KLF12: variants seen among roughly 807,000 people sequenced by gnomAD.
KLF12 encodes the protein KLF transcription factor 12, also known as Krueppel-like factor 12.
KLF12 carries 9 observed loss-of-function variants against 37.8 expected under a neutral mutation model. The observed-to-expected ratio is 0.24, with a 90% confidence interval of 0.14 to 0.42. KLF12 has a LOEUF of 0.42. KLF12 is among the 10% of genes least tolerant of loss of function. KLF12 has a pLI of 1.00. For missense variants in KLF12, 411 were observed against 516.0 expected, an observed-to-expected ratio of 0.80 and a Z score of 1.97; for synonymous variants, 208 against 202.1, an observed-to-expected ratio of 1.03 and a Z score of -0.25.
the KLF12 span, among the ~76,000 whole-genome samples, chr13:74,299,954 G>C: frequency 6.6e-6 from 1 of 152,082 alleles, no homozygotes. Flanking sequence ...AAGAAGTAGA[G>C]AAATGCTGAA....
chr13:74,305,042 A>G, the KLF12 span, among the ~76,000 whole-genome samples: 6 of 152,156 alleles, frequency 3.9e-5, no homozygotes, highest in African/African-American at 1.4e-4. Flanking sequence ...GTAGCTGGTA[A>G]TGCATAATTA....
rs139455612 is a variant in KLF12 at position 73,866,961 on chromosome 13, T to C, written c.124-20588A>G. ...TAGAAATTAAGTAAAAGGATTAAAC[T>C]ATGGTGAGCATGAAAATGCCACAGG... On this transcript the variant is annotated intron_variant, in intron 3 of 7. Transcript: ENST00000377669. 3.6e-3 allele frequency among the ~76,000 whole-genome samples: 551 copies of C among 152,098 alleles called. 6 individuals carry two copies. The highest frequency in any genetic ancestry group is 0.013 in the African/African-American group (535 of 41,482).
rs771712066 is a variant in KLF12, at chr13:73,813,310, A to G, written c.671-23T>C. 40 of 1,613,128 alleles carry G rather than the reference A, an allele frequency of 2.5e-5. No individual in the cohort carries two copies. The South Asian group carries it at 4.3e-4, about 17-fold the overall frequency. ...GTGCTGGAGAGAAAAGGCATATATAATGAATTAAAATCAGTGCGCAGAAAG... is the reference window on the plus strand; with the variant it reads ...GTGCTGGAGAGAAAAGGCATATATAGTGAATTAAAATCAGTGCGCAGAAAG... On this transcript the variant is annotated intron_variant, in intron 4 of 7. Coordinates refer to ENST00000377669, the MANE Select transcript of KLF12 (RefSeq NM_007249.5).
At chr13:73,915,199 TC>T (rs1438680284) in intron 3 of KLF12, among the ~76,000 whole-genome samples, 1 of 152,174 alleles carries the variant, frequency 6.6e-6, no homozygotes. Context: ...TTTTCCTGCT[TC>T]CCTCTTACAA....
chr13:73,819,433 C>T (rs1411465921), intron 4 of KLF12, among the ~76,000 whole-genome samples: 1 of 152,132 alleles, frequency 6.6e-6, no homozygotes, highest in South Asian at 2.1e-4. Flanking sequence ...TTTCTTTTCA[C>T]GTGTACCTAA....
intron 7 of KLF12, among the ~76,000 whole-genome samples, chr13:73,700,416 C>T (rs1874466226): frequency 6.6e-6 from 1 of 151,400 alleles, no homozygotes; most frequent in Admixed American, 6.6e-5. Context: ...GAAAGTATAT[C>T]AGAAAACAGT....
At chr13:73,964,810 C>T (rs1180311776) in intron 2 of KLF12, among the ~76,000 whole-genome samples, 3 of 151,926 alleles carry the variant, frequency 2.0e-5, no homozygotes, top group South Asian at 2.1e-4. Flanking sequence ...AGTGAGACCT[C>T]GTCTTTACTT....
chr13:74,034,963 C>T (rs1893210812), intron 1 of KLF12, among the ~76,000 whole-genome samples: 1 of 152,182 alleles, frequency 6.6e-6, no homozygotes, highest in African/African-American at 2.4e-5. Context: ...CATAGCTTAC[C>T]TCACATCTGT....
At chr13:73,767,673 G>C (rs1319650095) in intron 5 of KLF12, among the ~76,000 whole-genome samples, 1 of 152,140 alleles carries the variant, frequency 6.6e-6, no homozygotes, top group Non-Finnish European at 1.5e-5. Flanking sequence ...TACTCATCTG[G>C]AGCAGAGAGC....
chr13:73,896,476 T>C (rs1887776143), intron 3 of KLF12, among the ~76,000 whole-genome samples: 1 of 152,150 alleles, frequency 6.6e-6, no homozygotes, highest in Admixed American at 6.6e-5. Flanking sequence ...TCAGGGAGCC[T>C]CCAAGTCTCT....
chr13:73,892,037 T>C (rs1326224456), intron 3 of KLF12, among the ~76,000 whole-genome samples: 1 of 151,706 alleles, frequency 6.6e-6, no homozygotes, highest in Non-Finnish European at 1.5e-5. Flanking sequence ...TTTTTTTTTC[T>C]GTGTTACTAC....
At chr13:73,862,156 T>C (rs1464482025) in intron 3 of KLF12, among the ~76,000 whole-genome samples, 2 of 152,048 alleles carry the variant, frequency 1.3e-5, no homozygotes, top group Non-Finnish European at 2.9e-5. Flanking sequence ...AGCATCTGTC[T>C]TTCCAGTAAG....
chr13:73,742,618 T>C (rs1266565340), intron 6 of KLF12, among the ~76,000 whole-genome samples: 1 of 152,202 alleles, frequency 6.6e-6, no homozygotes, highest in African/African-American at 2.4e-5. Context: ...CCTTCTCACA[T>C]TTCAAATGTA....
At chr13:73,898,181 A>T (rs1887876195) in intron 3 of KLF12, among the ~76,000 whole-genome samples, 1 of 152,190 alleles carries the variant, frequency 6.6e-6, no homozygotes, top group Non-Finnish European at 1.5e-5. Context: ...TTCCTATGAC[A>T]GCATTTCTTT....
At chr13:74,300,800 C>G in the KLF12 span, among the ~76,000 whole-genome samples, 1 of 152,118 alleles carries the variant, frequency 6.6e-6, no homozygotes, top group Non-Finnish European at 1.5e-5. Context: ...AGAATTATCT[C>G]TGGAAGCTGA....
At chr13:74,250,567 C>T in the KLF12 span, among the ~76,000 whole-genome samples, 1 of 152,046 alleles carries the variant, frequency 6.6e-6, no homozygotes, top group Non-Finnish European at 1.5e-5. Flanking sequence ...GCAGAGAAGG[C>T]CAGAGCTAGG....
At chr13:73,866,224 C>T (rs1448065921) in intron 3 of KLF12, among the ~76,000 whole-genome samples, 1 of 152,174 alleles carries the variant, frequency 6.6e-6, no homozygotes, top group Admixed American at 6.5e-5. Flanking sequence ...CACTGCACTC[C>T]AGCCTGGGCG....
intron 5 of KLF12, among the ~76,000 whole-genome samples, chr13:73,790,291 A>AT (rs1184535504): frequency 6.6e-6 from 1 of 152,136 alleles, no homozygotes; most frequent in Non-Finnish European, 1.5e-5. Flanking sequence ...CAAACTTTTC[A>AT]TTTTTTATTT....
chr13:74,275,263 T>C, the KLF12 span, among the ~76,000 whole-genome samples: 1 of 152,082 alleles, frequency 6.6e-6, no homozygotes, highest in South Asian at 2.1e-4. Flanking sequence ...AGGGAGAAAA[T>C]ATGTGTCACG....
Sources: allele counts gnomAD v4.1 joint callset (sites outside exome capture counted in the v4.1 genomes callset), GRCh38; gene constraint gnomAD v4.1.1; transcripts MANE v1.5; gene names NCBI Gene and HGNC (gene_info 2026-07-23, HGNC 2026-07-21).